Variants in AIG1 observed in about 807,000 individuals in gnomAD.
The protein encoded by AIG1 is androgen-induced gene 1 protein.
AIG1 carries 23 observed loss-of-function variants against 31.4 expected under a neutral mutation model. The observed-to-expected ratio is 0.73, with a 90% confidence interval of 0.53 to 1.04. The LOEUF (loss-of-function observed/expected upper bound fraction) is 1.04, where lower values mean the gene tolerates loss of function less well. Among genes scored for constraint, AIG1 ranks in the 50% least tolerant of loss-of-function variants. The probability of loss-of-function intolerance (pLI) is 0.00; values close to 1 mark genes in which losing one functional copy is unlikely to be tolerated. For synonymous variants in AIG1, 100 were observed against 110.5 expected (o/e 0.90, Z 0.60); for missense variants, 274 against 295.0 (o/e 0.93, Z 0.52).
intron 2 of AIG1, among the ~76,000 whole-genome samples, chr6:143,149,252 T>A (rs139200744): frequency 2.6e-5 from 4 of 152,074 alleles, no homozygotes; most frequent in African/African-American, 9.6e-5. Context: ...GGAGGCTGGG[T>A]GCGGTGGCTT....
At position 143,328,390 on chromosome 6, in the gene AIG1, A is replaced by C. The variant is rs955699122; in HGVS notation, c.516-4892A>C. ...TGAACATATTCATCAGCTATGAAAA[A>C]CATTGGTTTGAAAGAAAGTTAAATA... On this transcript the variant is annotated intron_variant, in intron 4 of 5. Coordinates refer to ENST00000357847, the MANE Select transcript of AIG1 (RefSeq NM_016108.4). This position sits in a 1 kb window ranked among gnomAD's most constrained non-coding sequence, Gnocchi z 4.0. 7.9e-5 allele frequency among the ~76,000 whole-genome samples: 12 copies of C among 152,184 alleles called. No individual in the cohort carries two copies. The highest frequency in any genetic ancestry group is 1.6e-4 in the Non-Finnish European group (11 of 68,036).
intron 3 of AIG1, among the ~76,000 whole-genome samples, chr6:143,205,051 G>C (rs1214072196): frequency 6.6e-6 from 1 of 152,152 alleles, no homozygotes; most frequent in Non-Finnish European, 1.5e-5. Flanking sequence ...CTGTCTGCAA[G>C]ATTTTTGGCT....
chr6:143,332,064 G>T (rs1407670509), intron 4 of AIG1, among the ~76,000 whole-genome samples: 1 of 151,832 alleles, frequency 6.6e-6, no homozygotes, highest in African/African-American at 2.4e-5. Context: ...TAGAGATGGG[G>T]TTTCGCCATG....
chr6:143,284,661 TTTC>T lies in AIG1; in HGVS notation c.515+437_515+439del, dbSNP rs1797572743. Among the ~76,000 whole-genome samples the T allele has an allele frequency of 6.6e-6, 1 of 152,146 alleles. No homozygotes were observed. The highest frequency in any genetic ancestry group is 2.4e-5 in the African/African-American group (1 of 41,408). On this transcript the variant is annotated intron_variant, in intron 4 of 5. Coordinates refer to ENST00000357847, the MANE Select transcript of AIG1 (RefSeq NM_016108.4). This position sits in a 1 kb window ranked among gnomAD's most constrained non-coding sequence, Gnocchi z 4.4. ...CTAGGAAACAAGTGAAAATGTATGT[TTTC>T]CCTGGTCCATTTAAAACCTACTCCA...
chr6:143,064,997 G>A, intron 1 of AIG1, among the ~76,000 whole-genome samples: 1 of 152,228 alleles, frequency 6.6e-6, no homozygotes. Context: ...TTTATTGTTA[G>A]CAGAGAAGGG....
chr6:143,088,740 G>A (rs1438404541), intron 1 of AIG1, among the ~76,000 whole-genome samples: 2 of 152,172 alleles, frequency 1.3e-5, no homozygotes, highest in Admixed American at 6.5e-5. Context: ...GCCTTTCAAT[G>A]CAATGAACAC....
chr6:143,081,061 T>A (rs1417527605), intron 1 of AIG1, among the ~76,000 whole-genome samples: 1 of 152,096 alleles, frequency 6.6e-6, no homozygotes, highest in Non-Finnish European at 1.5e-5. Flanking sequence ...ACAAGGTCAT[T>A]GGTTAGGAAG....
At chr6:143,234,397 A>T (rs1337156664) in intron 3 of AIG1, among the ~76,000 whole-genome samples, 1 of 152,214 alleles carries the variant, frequency 6.6e-6, no homozygotes, top group East Asian at 1.9e-4. Context: ...GATTAGAGTG[A>T]TGAGTGAGAA....
rs764321880 is a variant in AIG1 at position 143,331,623 on chromosome 6, CAT to C, written c.516-1654_516-1653del. ...TCACCTACTGATGTGTTTCTATATA[CAT>C]ATATGTACATCTGTGTGTGTGTATA... On this transcript the variant is annotated intron_variant, in intron 4 of 5. Coordinates refer to ENST00000357847, the MANE Select transcript of AIG1 (RefSeq NM_016108.4). This position sits in a 1 kb window ranked among gnomAD's most constrained non-coding sequence, Gnocchi z 4.1. 5.9e-5 allele frequency among the ~76,000 whole-genome samples: 9 copies of C among 151,842 alleles called. No homozygotes were observed. The highest frequency in any genetic ancestry group is 1.3e-4 in the Non-Finnish European group (9 of 67,978).
intron 3 of AIG1, among the ~76,000 whole-genome samples, chr6:143,281,934 A>C (rs183870563): frequency 6.6e-6 from 1 of 152,242 alleles, no homozygotes. Flanking sequence ...GATGACACCA[A>C]TGATGAAGTG....
chr6:143,301,235 T>A (rs890111292), intron 4 of AIG1, among the ~76,000 whole-genome samples: 1 of 152,252 alleles, frequency 6.6e-6, no homozygotes. Context: ...TTCAAGGCAG[T>A]CATTAAAGTT....
At chr6:143,113,609 A>C (rs1781479563) in intron 1 of AIG1, among the ~76,000 whole-genome samples, 1 of 151,810 alleles carries the variant, frequency 6.6e-6, no homozygotes, top group Non-Finnish European at 1.5e-5. Context: ...TCTCAAAAAA[A>C]AAAAACAAAA....
At chr6:143,289,619 C>T (rs1249436025) in intron 4 of AIG1, among the ~76,000 whole-genome samples, 1 of 152,140 alleles carries the variant, frequency 6.6e-6, no homozygotes, top group East Asian at 1.9e-4. Flanking sequence ...CTATCTCCCA[C>T]AAAATTTGAT....
chr6:143,099,012 G>T (rs1468198598), intron 1 of AIG1, among the ~76,000 whole-genome samples: 1 of 152,106 alleles, frequency 6.6e-6, no homozygotes, highest in Non-Finnish European at 1.5e-5. Context: ...TCTTCATATT[G>T]ACTAAAGTGC....
intron 1 of AIG1, among the ~76,000 whole-genome samples, chr6:143,098,855 A>G (rs1002225538): frequency 6.6e-6 from 1 of 152,130 alleles, no homozygotes; most frequent in African/African-American, 2.4e-5. Context: ...ATTTATTTGA[A>G]TTGGACTAAA....
At chr6:143,118,954 A>G (rs534874167) in intron 1 of AIG1, among the ~76,000 whole-genome samples, 11 of 151,602 alleles carry the variant, frequency 7.3e-5, no homozygotes, top group African/African-American at 2.7e-4. Flanking sequence ...GCTCACTGCA[A>G]CCTCGACCTC....
intron 3 of AIG1, among the ~76,000 whole-genome samples, chr6:143,192,475 C>T (rs1401412699): frequency 6.6e-6 from 1 of 151,974 alleles, no homozygotes; most frequent in African/African-American, 2.4e-5. Context: ...TGTGGTGGCA[C>T]ATGCCTGTAG....
intron 1 of AIG1, among the ~76,000 whole-genome samples, chr6:143,097,790 C>T (rs1583166992): frequency 6.6e-6 from 1 of 152,164 alleles, no homozygotes; most frequent in Admixed American, 6.5e-5. Flanking sequence ...CAAAAGCAAT[C>T]GGAAGAAGCT....
intron 3 of AIG1, among the ~76,000 whole-genome samples, chr6:143,165,730 T>C (rs1786865509): frequency 6.6e-6 from 1 of 152,224 alleles, no homozygotes; most frequent in African/African-American, 2.4e-5. Context: ...AGTTAGGGTG[T>C]TCGCCTGTGG....
Sources: gnomAD v4.1 joint callset for allele counts (sites outside exome capture counted in the v4.1 genomes callset) on GRCh38, gnomAD v4.1.1 for gene constraint, Gnocchi (gnomAD v3.1) non-coding constraint, MANE v1.5 for transcripts, NCBI Gene and HGNC (gene_info 2026-07-23, HGNC 2026-07-21) for gene names.